Variants in PRKCB observed in about 807,000 individuals in gnomAD.
PRKCB encodes the protein protein kinase C beta, also known as protein kinase C beta type.
A neutral mutation model predicts 81.5 loss-of-function variants in PRKCB; 13 were observed. That is an observed-to-expected ratio of 0.16 (90% CI 0.10 to 0.25). The LOEUF (loss-of-function observed/expected upper bound fraction) is 0.25. Among genes scored for constraint, PRKCB ranks in the 10% least tolerant of loss-of-function variants. The pLI, the probability that PRKCB is intolerant of heterozygous loss-of-function variation, is 1.00. For missense variants in PRKCB, 509 were observed against 875.7 expected, an observed-to-expected ratio of 0.58 and a Z score of 5.29; for synonymous variants, 335 against 321.4, an observed-to-expected ratio of 1.04 and a Z score of -0.45.
chr16:24,173,150 G>A (rs1967470667), intron 11 of PRKCB, among the ~76,000 whole-genome samples: 1 of 152,152 alleles, frequency 6.6e-6, no homozygotes, highest in African/African-American at 2.4e-5. Flanking sequence ...GGTGCTCGGT[G>A]GCAATGGTCT....
intron 2 of PRKCB, among the ~76,000 whole-genome samples, chr16:23,981,742 C>T (rs868620971): frequency 5.3e-4 from 25 of 47,546 alleles, no homozygotes; most frequent in Non-Finnish European, 6.8e-4. Flanking sequence ...CCCTTCCCTT[C>T]CCCTTCCCTT....
intron 2 of PRKCB, among the ~76,000 whole-genome samples, chr16:23,881,396 G>A (rs1963104991): frequency 6.6e-6 from 1 of 151,958 alleles, no homozygotes; most frequent in African/African-American, 2.4e-5. Flanking sequence ...GGGATTACAG[G>A]CACTCACCAC....
At chr16:23,855,060 A>G (rs549975628) in intron 2 of PRKCB, among the ~76,000 whole-genome samples, 2 of 152,090 alleles carry the variant, frequency 1.3e-5, no homozygotes, top group South Asian at 4.2e-4. Flanking sequence ...TACCGTTACT[A>G]CCACTTGGCA....
At chr16:24,125,390 G>A (rs969140221) in intron 9 of PRKCB, among the ~76,000 whole-genome samples, 1 of 152,116 alleles carries the variant, frequency 6.6e-6, no homozygotes, top group Non-Finnish European at 1.5e-5. Flanking sequence ...CACAACATCA[G>A]CTCTTGGGTC....
intron 3 of PRKCB, among the ~76,000 whole-genome samples, chr16:24,007,066 C>T (rs1965134080): frequency 6.6e-6 from 1 of 152,168 alleles, no homozygotes; most frequent in Non-Finnish European, 1.5e-5. Context: ...AGCTCTGAAA[C>T]CAGAATGACT....
At chr16:24,085,784 C>G (rs1360661136) in intron 5 of PRKCB, among the ~76,000 whole-genome samples, 1 of 152,200 alleles carries the variant, frequency 6.6e-6, no homozygotes, top group African/African-American at 2.4e-5. Context: ...CTAGCCATTG[C>G]TAACTTAGTT....
At chr16:24,191,586 C>T (rs2141980198) in intron 16 of PRKCB, 1 of 172,510 alleles carries the variant, frequency 5.8e-6, no homozygotes, top group East Asian at 1.6e-4. Context: ...CATTCTTTCT[C>T]TTGGTTCAAC....
At chr16:23,970,649 A>G (rs1300606553) in intron 2 of PRKCB, among the ~76,000 whole-genome samples, 2 of 152,186 alleles carry the variant, frequency 1.3e-5, no homozygotes, top group East Asian at 3.8e-4. Flanking sequence ...AATCTTTCCA[A>G]TGCTTTATTT....
intron 16 of PRKCB, among the ~76,000 whole-genome samples, chr16:24,205,602 T>C (rs1395520235): frequency 2.0e-5 from 3 of 152,202 alleles, no homozygotes; most frequent in Non-Finnish European, 2.9e-5. Flanking sequence ...AAGGACTTCA[T>C]AGAGCTTTTG....
At chr16:24,110,333 T>C (rs756953714) in intron 7 of PRKCB, among the ~76,000 whole-genome samples, 13 of 151,094 alleles carry the variant, frequency 8.6e-5, no homozygotes, top group Non-Finnish European at 1.5e-4. Flanking sequence ...TGTCTCAGCC[T>C]CCCGAATAGC....
chr16:24,087,248 A>G (rs1966320440), intron 5 of PRKCB, among the ~76,000 whole-genome samples: 1 of 152,208 alleles, frequency 6.6e-6, no homozygotes, highest in South Asian at 2.1e-4. Flanking sequence ...TAATGCCTTC[A>G]CGCTTCTTTC....
chr16:23,970,949 G>A (rs566927162), intron 2 of PRKCB, among the ~76,000 whole-genome samples: 116 of 152,334 alleles, frequency 7.6e-4, no homozygotes, highest in Non-Finnish European at 1.5e-3. Flanking sequence ...GTCAGGGCTT[G>A]ACCAACCTCT....
intron 2 of PRKCB, among the ~76,000 whole-genome samples, chr16:23,941,427 A>G (rs1438478033): frequency 1.3e-5 from 2 of 152,214 alleles, no homozygotes; most frequent in African/African-American, 2.4e-5. Flanking sequence ...CATCATACAT[A>G]CACAAAAATC....
intron 3 of PRKCB, among the ~76,000 whole-genome samples, chr16:24,030,691 C>T (rs1051105620): frequency 1.6e-5 from 2 of 122,666 alleles, no homozygotes; most frequent in Non-Finnish European, 3.3e-5. Flanking sequence ...CTAGCCTGGG[C>T]AACATAGTGA....
intron 2 of PRKCB, among the ~76,000 whole-genome samples, chr16:23,880,319 C>T (rs1456412368): frequency 6.6e-6 from 1 of 152,136 alleles, no homozygotes; most frequent in Non-Finnish European, 1.5e-5. Flanking sequence ...ATCCCCCCAC[C>T]ACACACACAA....
At chr16:24,111,598 GCAACATAGCAA>G (rs1364983289) in intron 7 of PRKCB, among the ~76,000 whole-genome samples, 1 of 150,056 alleles carries the variant, frequency 6.7e-6, no homozygotes, top group Non-Finnish European at 1.5e-5. Flanking sequence ...ACTGGCCTGA[GCAACATAGCAA>G]GACCCTATCT....
chr16:23,900,312 G>C (rs1030926222), intron 2 of PRKCB, among the ~76,000 whole-genome samples: 1 of 152,188 alleles, frequency 6.6e-6, no homozygotes, highest in African/African-American at 2.4e-5. Flanking sequence ...AGGAAATTGT[G>C]TGTTTGTACA....
chr16:24,096,064 G>A (rs971512288), intron 7 of PRKCB, among the ~76,000 whole-genome samples: 1 of 152,106 alleles, frequency 6.6e-6, no homozygotes, highest in Non-Finnish European at 1.5e-5. Context: ...TTGGGAGGCC[G>A]AGGTGGGTGG....
chr16:24,009,954 G>C (rs1238328682), intron 3 of PRKCB, among the ~76,000 whole-genome samples: 1 of 152,162 alleles, frequency 6.6e-6, no homozygotes, highest in Non-Finnish European at 1.5e-5. Flanking sequence ...GGTGAGCCGA[G>C]ATCATGCTAC....
Sources: allele counts gnomAD v4.1 joint callset (sites outside exome capture counted in the v4.1 genomes callset), GRCh38; gene constraint gnomAD v4.1.1; transcripts MANE v1.5; gene names NCBI Gene and HGNC (gene_info 2026-07-23, HGNC 2026-07-21).